DGKB: variants seen among roughly 807,000 people sequenced by gnomAD.
DGKB encodes the protein diacylglycerol kinase beta.
Under a neutral mutation model 114.3 loss-of-function variants are expected in DGKB, and 67 were observed. The observed-to-expected ratio is 0.59, with a 90% confidence interval of 0.48 to 0.72. The LOEUF is 0.72. DGKB is among the 30% of genes least tolerant of loss of function. DGKB has a pLI of 0.00. For synonymous variants in DGKB, 398 were observed against 323.1 expected (o/e 1.23, Z -2.49); for missense variants, 907 against 975.2 (o/e 0.93, Z 0.93).
chr7:14,525,197 A>C (rs1236652223), intron 20 of DGKB, among the ~76,000 whole-genome samples: 1 of 152,162 alleles, frequency 6.6e-6, no homozygotes, highest in Non-Finnish European at 1.5e-5. Context: ...AAATGGAACA[A>C]CCATTTCTAC....
intron 3 of DGKB, among the ~76,000 whole-genome samples, chr7:14,756,840 G>C (rs1834943876): frequency 1.3e-5 from 2 of 151,908 alleles, no homozygotes; most frequent in South Asian, 4.1e-4. Flanking sequence ...CTTTTGCAAA[G>C]AGAAGTATGA....
intron 13 of DGKB, among the ~76,000 whole-genome samples, chr7:14,642,245 C>G (rs916428836): frequency 6.6e-6 from 1 of 152,030 alleles, no homozygotes; most frequent in Non-Finnish European, 1.5e-5. Context: ...TAAATGTTTT[C>G]TTTAGTATTC....
rs751825671 is a variant in DGKB at position 14,270,270 on chromosome 7, CTCT to C, written c.2122+68242_2122+68244del. The stretch of plus-strand genomic sequence containing the variant: ...ATTTTTAGTGCACATATGCTGCGTT[CTCT>C]TCTTTCTCCTAACCAATTTCCTCTG... On this transcript the variant is annotated intron_variant, in intron 23 of 25. Coordinates refer to ENST00000402815, the MANE Select transcript of DGKB (RefSeq NM_001350709.2). Among the ~76,000 whole-genome samples, 139 of 152,268 alleles carry C rather than the reference CTCT, an allele frequency of 9.1e-4. 1 individual carries two copies. Among genetic ancestry groups the C allele is most frequent in the Admixed American group, 4.4e-3 (67 of 15,298 alleles).
chr7:14,601,594 T>C lies in DGKB; in HGVS notation c.1433+5840A>G, dbSNP rs116506772. On this transcript the variant is annotated intron_variant, in intron 17 of 25. Coordinates refer to ENST00000402815, the MANE Select transcript of DGKB (RefSeq NM_001350709.2). ...TTCTGTCACTAATTCATTTCTCTCT[T>C]ATTACATCTTACTATAAGCAGTCAA... Among the ~76,000 whole-genome samples the C allele has an allele frequency of 6.8e-3, 1,030 of 152,318 alleles. 16 individuals are homozygous for C. Among genetic ancestry groups the C allele is most frequent in the African/African-American group, 0.022 (914 of 41,564 alleles).
intron 1 of DGKB, among the ~76,000 whole-genome samples, chr7:14,929,629 T>G (rs1229015096): frequency 1.3e-5 from 2 of 152,160 alleles, no homozygotes; most frequent in Non-Finnish European, 2.9e-5. Flanking sequence ...ATTAGACCCT[T>G]GTAGAATGCA....
Position 14,313,531 on chromosome 7 carries a change from G to C in DGKB, c.2122+24984C>G, listed in dbSNP as rs529911349. 1.9e-3 allele frequency among the ~76,000 whole-genome samples: 294 copies of C among 152,086 alleles called. 3 individuals are homozygous for C. The highest frequency in any genetic ancestry group is 6.6e-3 in the African/African-American group (274 of 41,504). The stretch of plus-strand genomic sequence containing the variant: ...GGTGACGGACGGCACCTGGAAAATC[G>C]GGAAAATCGGGTCACTCCCACCCGA... On this transcript the variant is annotated intron_variant, in intron 23 of 25. Coordinates refer to ENST00000402815, the MANE Select transcript of DGKB (RefSeq NM_001350709.2).
chr7:14,918,203 C>A (rs1278340361), intron 1 of DGKB, among the ~76,000 whole-genome samples: 5 of 152,090 alleles, frequency 3.3e-5, no homozygotes, highest in Admixed American at 3.3e-4. Flanking sequence ...AAAAACATGT[C>A]TCCTCTTACC....
chr7:14,221,432 T>C (rs890703438), intron 23 of DGKB, among the ~76,000 whole-genome samples: 8 of 151,544 alleles, frequency 5.3e-5, no homozygotes, highest in African/African-American at 1.7e-4. Flanking sequence ...GAGTTGATCA[T>C]GTGATTTTTG....
At chr7:14,532,998 A>G (rs1791848950) in intron 20 of DGKB, among the ~76,000 whole-genome samples, 1 of 151,860 alleles carries the variant, frequency 6.6e-6, no homozygotes, top group African/African-American at 2.4e-5. Flanking sequence ...TGACACTACT[A>G]AAGGAAACTA....
intron 1 of DGKB, among the ~76,000 whole-genome samples, chr7:14,854,920 T>TA (rs536962722): frequency 1.6e-3 from 238 of 152,120 alleles, no homozygotes; most frequent in Non-Finnish European, 1.8e-3. Context: ...AAGAATGATT[T>TA]AAAAAAATGA....
At chr7:14,241,404 A>G (rs1241845738) in intron 23 of DGKB, among the ~76,000 whole-genome samples, 2 of 152,086 alleles carry the variant, frequency 1.3e-5, no homozygotes, top group African/African-American at 2.4e-5. Flanking sequence ...AAATCCTAAT[A>G]TACTATAATT....
intron 21 of DGKB, among the ~76,000 whole-genome samples, chr7:14,467,761 TG>T: frequency 6.6e-6 from 1 of 152,290 alleles, no homozygotes; most frequent in South Asian, 2.1e-4. Context: ...CATAACTACA[TG>T]TATTCCAAAA....
chr7:14,310,888 T>C (rs1805275795), intron 23 of DGKB, among the ~76,000 whole-genome samples: 1 of 152,062 alleles, frequency 6.6e-6, no homozygotes, highest in Admixed American at 6.6e-5. Flanking sequence ...ATCCCAGCAC[T>C]TTGGGGAAGG....
intron 20 of DGKB, among the ~76,000 whole-genome samples, chr7:14,527,412 G>T (rs1790824165): frequency 6.6e-6 from 1 of 152,006 alleles, no homozygotes; most frequent in South Asian, 2.1e-4. Context: ...TCTATCAAAA[G>T]CTGTGGGTAT....
chr7:14,342,612 A>T (rs1488695038), intron 22 of DGKB, among the ~76,000 whole-genome samples: 1 of 151,936 alleles, frequency 6.6e-6, no homozygotes, highest in Non-Finnish European at 1.5e-5. Context: ...AGATTTAAAC[A>T]TTGTGGCAGC....
intron 5 of DGKB, among the ~76,000 whole-genome samples, chr7:14,726,799 T>C (rs770085729): frequency 6.6e-6 from 1 of 152,224 alleles, no homozygotes; most frequent in Non-Finnish European, 1.5e-5. Context: ...GATATACAAC[T>C]AGCCCTTTAT....
intron 2 of DGKB, among the ~76,000 whole-genome samples, chr7:14,822,730 A>G (rs1845115363): frequency 6.6e-6 from 1 of 152,158 alleles, no homozygotes; most frequent in Non-Finnish European, 1.5e-5. Context: ...CCTTGAAATC[A>G]ATCAACTTTA....
chr7:14,565,991 T>G (rs1797329385), intron 20 of DGKB, among the ~76,000 whole-genome samples: 2 of 152,154 alleles, frequency 1.3e-5, no homozygotes, highest in Non-Finnish European at 2.9e-5. Flanking sequence ...ATTTTTCTTT[T>G]TAGTTTTTGA....
At chr7:14,904,865 G>C (rs889585884), upstream of DGKB, among the ~76,000 whole-genome samples, 1 of 152,058 alleles carries the variant, frequency 6.6e-6, no homozygotes, top group Non-Finnish European at 1.5e-5. Flanking sequence ...TAAGGAAGTA[G>C]GCACAAGAAG....
Sources: gnomAD v4.1 joint callset for allele counts (sites outside exome capture counted in the v4.1 genomes callset) on GRCh38, gnomAD v4.1.1 for gene constraint, MANE v1.5 for transcripts, NCBI Gene and HGNC (gene_info 2026-07-23, HGNC 2026-07-21) for gene names.